The following SYN2 variants were observed in gnomAD, a reference collection of about 807,000 sequenced individuals.
SYN2 encodes synapsin-2.
Under a neutral mutation model 50.9 loss-of-function variants are expected in SYN2, and 19 were observed. The observed-to-expected ratio is 0.37, with a 90% confidence interval of 0.26 to 0.55. The LOEUF is 0.55. Among genes scored for constraint, SYN2 ranks in the 20% least tolerant of loss-of-function variants. The pLI, the probability that SYN2 is intolerant of heterozygous loss-of-function variation, is 0.81. For synonymous variants in SYN2, 255 were observed against 224.9 expected, an observed-to-expected ratio of 1.13 and a Z score of -1.20; for missense variants, 587 against 576.4, an observed-to-expected ratio of 1.02 and a Z score of -0.19.
chr3:12,065,464 G>C (rs1194043160), intron 1 of SYN2, among the ~76,000 whole-genome samples: 1 of 152,136 alleles, frequency 6.6e-6, no homozygotes, highest in Non-Finnish European at 1.5e-5. Context: ...GTGCTCAACA[G>C]TGGATTGGAT....
intron 1 of SYN2, among the ~76,000 whole-genome samples, chr3:12,089,258 A>C (rs953607497): frequency 1.7e-4 from 26 of 152,314 alleles, no homozygotes; most frequent in African/African-American, 6.3e-4. Flanking sequence ...GCAAAGGAGG[A>C]GCAAAGGCAC....
chr3:12,082,119 G>A (rs1446410496), intron 1 of SYN2, among the ~76,000 whole-genome samples: 1 of 152,164 alleles, frequency 6.6e-6, no homozygotes, highest in Non-Finnish European at 1.5e-5. Context: ...TCAGCAAAGG[G>A]AAAATGAGCA....
At chr3:12,181,308 G>C (rs1698215065) in intron 10 of SYN2, among the ~76,000 whole-genome samples, 5 of 152,246 alleles carry the variant, frequency 3.3e-5, no homozygotes, top group Admixed American at 3.3e-4. Context: ...GGCCCTGGGG[G>C]AGAGACCAGC....
intron 1 of SYN2, among the ~76,000 whole-genome samples, chr3:12,017,064 A>G (rs1452122859): frequency 6.6e-6 from 1 of 152,112 alleles, no homozygotes. Context: ...CTGGGTTTTG[A>G]TGGAAGAATG....
At chr3:12,157,434 T>C in intron 5 of SYN2, 1 of 1,614,168 alleles carries the variant, frequency 6.2e-7, no homozygotes, top group Non-Finnish European at 8.5e-7. Flanking sequence ...GTCAGCAGGG[T>C]CTGCACTGGC....
At chr3:12,061,034 G>A (rs1329243725) in intron 1 of SYN2, among the ~76,000 whole-genome samples, 2 of 152,156 alleles carry the variant, frequency 1.3e-5, no homozygotes, top group East Asian at 3.9e-4. Context: ...TAAGCAGAGA[G>A]ATGGAAACTG....
rs1693758229 is a variant in SYN2 at position 12,004,857 on chromosome 3, G to GCCCGCT, written c.312_317dup (p.Pro107_Ala108dup). On this transcript the variant is annotated inframe_insertion, in exon 1 of 13. Coordinates refer to ENST00000621198, the MANE Select transcript of SYN2 (RefSeq NM_133625.6). The stretch of plus-strand genomic sequence containing the variant: ...CCGCCTCGGCTGGCCTGGTGGACGC[G>GCCCGCT]CCCGCTCCCGCGCCCGCAGCCGCCA... The GCCCGCT allele has an allele frequency of 5.4e-6, 3 of 555,456 alleles. No homozygotes were observed. The highest frequency in any genetic ancestry group is 9.6e-6 in the Non-Finnish European group (3 of 312,550). 34.4% of individuals were successfully genotyped at this position (555,456 alleles called of 1,614,324 possible). A position where few individuals can be genotyped will look rare whatever the true frequency, so the allele number is the denominator to read the frequency against.
chr3:12,101,234 G>A (rs781386416), intron 1 of SYN2, among the ~76,000 whole-genome samples: 1 of 152,092 alleles, frequency 6.6e-6, no homozygotes, highest in Non-Finnish European at 1.5e-5. Context: ...ACAAACCCAA[G>A]TGTCCACTAA....
chr3:12,140,790 T>A (rs1401389354), intron 2 of SYN2, 82 bp downstream of exon 2: 1 of 717,550 alleles, frequency 1.4e-6, no homozygotes, highest in Non-Finnish European at 2.6e-6. Flanking sequence ...CTCGTTCTGC[T>A]GAGTGGAATA....
chr3:12,169,683 C>A, intron 9 of SYN2, 74 bp from the exon 10 acceptor site: 1 of 1,551,210 alleles, frequency 6.4e-7, no homozygotes, highest in Non-Finnish European at 8.8e-7. Flanking sequence ...TAATTCCTAC[C>A]CATTCTGAAA....
intron 3 of SYN2, among the ~76,000 whole-genome samples, chr3:12,142,290 G>A (rs1338600450): frequency 1.3e-5 from 2 of 152,200 alleles, no homozygotes; most frequent in Non-Finnish European, 2.9e-5. Context: ...TTCAGCCAGT[G>A]CAGCTCTGTG....
intron 12 of SYN2, among the ~76,000 whole-genome samples, chr3:12,188,397 C>G (rs772806230): frequency 6.6e-6 from 1 of 152,226 alleles, no homozygotes; most frequent in Non-Finnish European, 1.5e-5. Context: ...GTGTCCCCAG[C>G]AGACTTCTGT....
intron 5 of SYN2, chr3:12,153,697 T>G: frequency 6.2e-7 from 1 of 1,614,214 alleles, no homozygotes; most frequent in Non-Finnish European, 8.5e-7. Context: ...CAGGGTACTG[T>G]GTAGCAGGTG....
intron 12 of SYN2, among the ~76,000 whole-genome samples, chr3:12,189,581 G>A (rs192757993): frequency 2.6e-4 from 39 of 152,262 alleles, no homozygotes; most frequent in Non-Finnish European, 4.4e-5. Context: ...GGCAGAGGCG[G>A]ACGGATCATG....
At chr3:12,084,639 G>T (rs1695652628) in intron 1 of SYN2, among the ~76,000 whole-genome samples, 1 of 152,176 alleles carries the variant, frequency 6.6e-6, no homozygotes, top group African/African-American at 2.4e-5. Flanking sequence ...TTCTAGTACT[G>T]TGATGACAGT....
intron 1 of SYN2, among the ~76,000 whole-genome samples, chr3:12,099,975 G>GAAAAAAAAAAAAAAAA (rs376887129): frequency 3.3e-5 from 4 of 120,186 alleles, no homozygotes; most frequent in African/African-American, 6.4e-5. Context: ...AAAAAAAAAA[G>GAAAAAAAAAAAAAAAA]AAAAAAAAAA....
chr3:12,070,449 G>A, intron 1 of SYN2: 1 of 567,726 alleles, frequency 1.8e-6, no homozygotes, highest in Non-Finnish European at 3.5e-6. Flanking sequence ...TGACCCCATT[G>A]AGCGTGGCAT....
intron 1 of SYN2, among the ~76,000 whole-genome samples, chr3:12,022,272 T>G (rs1348604243): frequency 1.3e-5 from 2 of 152,176 alleles, no homozygotes; most frequent in Non-Finnish European, 2.9e-5. Context: ...CTTGGGACAC[T>G]GGATAGTCTC....
At chr3:12,143,472 A>G (rs903693920) in intron 3 of SYN2, among the ~76,000 whole-genome samples, 5 of 151,912 alleles carry the variant, frequency 3.3e-5, no homozygotes, top group African/African-American at 1.2e-4. Flanking sequence ...TCCAGTGTCT[A>G]TTGTTTCCAT....
Sources: allele counts gnomAD v4.1 joint callset (sites outside exome capture counted in the v4.1 genomes callset), GRCh38; gene constraint gnomAD v4.1.1; transcripts MANE v1.5; gene names NCBI Gene and HGNC (gene_info 2026-07-23, HGNC 2026-07-21).